The following LIPI variants were observed in gnomAD, a reference collection of about 807,000 sequenced individuals.
The protein encoded by LIPI is lipase member I.
A neutral mutation model predicts 50.6 loss-of-function variants in LIPI; 59 were observed. The observed-to-expected ratio is 1.16, with a 90% CI of 0.94 to 1.45. The LOEUF is 1.45. LIPI is among the 40% of genes most tolerant of loss of function. The pLI is 0.00. For missense variants in LIPI, 586 were observed against 536.3 expected (o/e 1.09, Z -0.92); for synonymous variants, 203 against 178.2 (o/e 1.14, Z -1.11).
rs746843747 is a variant in LIPI, at chr21:14,152,643, T to C, written c.1048A>G (p.Met350Val). ...VLSIIVPDKT[M>V]MDGSFSFKLL... ...TTAAATGAAAACGAGCCATCCATCATAGTTTTATCTGGAACAATTATACTG... is the reference window on the plus strand; with the variant it reads ...TTAAATGAAAACGAGCCATCCATCACAGTTTTATCTGGAACAATTATACTG... The change falls in exon 8 of 10, where the codon ATG (methionine) becomes GTG (valine). Residue 350 changes from methionine (M) to valine (V), a missense_variant. Physicochemically the swap from Met to Val is conservative, Grantham distance 21. Transcript: ENST00000681601. 3 of 1,572,770 alleles carry C rather than the reference T, an allele frequency of 1.9e-6. No homozygotes were observed. The highest frequency in any genetic ancestry group is 4.5e-5 in the East Asian group (2 of 44,444).
intron 4 of LIPI, among the ~76,000 whole-genome samples, chr21:14,175,464 G>A (rs2019062054): frequency 6.6e-6 from 1 of 152,012 alleles, no homozygotes; most frequent in Non-Finnish European, 1.5e-5. Flanking sequence ...CTGATAGTAG[G>A]TCTTTATCTC....
At position 14,163,470 on chromosome 21, in the gene LIPI, G is replaced by T; in HGVS notation, c.955C>A (p.Pro319Thr). The change falls in exon 7 of 10, where the codon CCT becomes ACT. Residue 319 changes from proline (P) to threonine (T), a missense_variant. Coordinates refer to ENST00000681601, the MANE Select transcript of LIPI (RefSeq NM_001302998.2). Reference sequence around the variant, plus strand: ...TCCAAAAACACAGTGGTCCTAAGAGGTCTTCCTTCCATCCTTTCTTTTAAA... The same window carrying T: ...TCCAAAAACACAGTGGTCCTAAGAGTTCTTCCTTCCATCCTTTCTTTTAAA... ...GVLKERMEGR[P>T]LRTTVFLDTS... 6.3e-7 allele frequency: 1 copy of T among 1,591,206 alleles called. No individual in the cohort carries two copies. Among genetic ancestry groups the T allele is most frequent in the Non-Finnish European group, 8.6e-7 (1 of 1,159,494 alleles).
chr21:14,125,682 C>T (rs1425521106), intron 9 of LIPI, among the ~76,000 whole-genome samples: 2 of 151,938 alleles, frequency 1.3e-5, no homozygotes, highest in South Asian at 2.1e-4. Context: ...CTCAGCCTAC[C>T]GGGTAGCTAG....
At chr21:14,181,180 T>A (rs2019256896) in intron 4 of LIPI, among the ~76,000 whole-genome samples, 2 of 152,172 alleles carry the variant, frequency 1.3e-5, no homozygotes, top group Non-Finnish European at 2.9e-5. Context: ...ATCAACAAAT[T>A]CAAATCAGGA....
chr21:14,119,974 C>T (rs561582124), intron 9 of LIPI, among the ~76,000 whole-genome samples: 30 of 152,238 alleles, frequency 2.0e-4, no homozygotes, highest in Non-Finnish European at 3.8e-4. Context: ...CCCTAAGATG[C>T]TAAGATATCA....
intron 9 of LIPI, among the ~76,000 whole-genome samples, chr21:14,142,911 T>C (rs2017765735): frequency 6.6e-6 from 1 of 152,166 alleles, no homozygotes; most frequent in South Asian, 2.1e-4. Context: ...TAGGAAGTAC[T>C]TTCCTGACAT....
At chr21:14,121,701 GT>G (rs2016869309) in intron 9 of LIPI, among the ~76,000 whole-genome samples, 1 of 152,112 alleles carries the variant, frequency 6.6e-6, no homozygotes, top group Non-Finnish European at 1.5e-5. Flanking sequence ...CCCTACCACT[GT>G]TAAAGTTGCA....
chr21:14,185,415 T>A (rs373556760), intron 3 of LIPI, among the ~76,000 whole-genome samples: 3 of 152,378 alleles, frequency 2.0e-5, no homozygotes, highest in East Asian at 3.9e-4. Flanking sequence ...TAGCTGGGAC[T>A]GCAGGAATAG....
At chr21:14,171,904 G>A (rs1222769505) in intron 4 of LIPI, among the ~76,000 whole-genome samples, 3 of 149,086 alleles carry the variant, frequency 2.0e-5, no homozygotes, top group East Asian at 3.9e-4. Flanking sequence ...CACAGCAAAA[G>A]AAACTACCAT....
At chr21:14,199,144 T>G (rs2123324215) in intron 1 of LIPI, among the ~76,000 whole-genome samples, 1 of 152,044 alleles carries the variant, frequency 6.6e-6, no homozygotes, top group Admixed American at 6.6e-5. Flanking sequence ...ATCAAAAAGT[T>G]AGAAAGATCT....
chr21:14,177,394 A>C (rs1264272303), intron 4 of LIPI, among the ~76,000 whole-genome samples: 1 of 151,960 alleles, frequency 6.6e-6, no homozygotes, highest in African/African-American at 2.4e-5. Context: ...TGACAGCCAT[A>C]ATATTTTAAT....
At chr21:14,188,968 T>C (rs564127951) in intron 2 of LIPI, 66 bp downstream of exon 2, 1 of 1,274,852 alleles carries the variant, frequency 7.8e-7, no homozygotes, top group Non-Finnish European at 1.1e-6. Context: ...TGTAACACAC[T>C]GCATATTGTA....
chr21:14,205,273 C>A (rs557121512), intron 1 of LIPI, among the ~76,000 whole-genome samples: 26 of 151,672 alleles, frequency 1.7e-4, no homozygotes, highest in Non-Finnish European at 3.2e-4. Context: ...CAATTAAATA[C>A]ATGGAAATTA....
chr21:14,189,274 G>C lies in LIPI; in HGVS notation c.192C>G (p.Asn64Lys). 6.2e-7 allele frequency: 1 copy of C among 1,613,944 alleles called. No homozygotes were observed. The highest frequency in any genetic ancestry group is 8.5e-7 in the Non-Finnish European group (1 of 1,179,872). ...NCAEPLFEQN[N>K]SLNVNFNTQK... ...GTGTGTTGAAATTAACATTAAGTGAGTTATTTTGTTCAAACAGTGGCTCAG... is the reference window on the plus strand; with the variant it reads ...GTGTGTTGAAATTAACATTAAGTGACTTATTTTGTTCAAACAGTGGCTCAG... The change falls in exon 2 of 10, where the codon AAC becomes AAG. Residue 64 changes from asparagine (N) to lysine (K), a missense_variant. Coordinates refer to ENST00000681601, the MANE Select transcript of LIPI (RefSeq NM_001302998.2).
chr21:14,142,707 C>T (rs547700115), intron 9 of LIPI, among the ~76,000 whole-genome samples: 1 of 151,676 alleles, frequency 6.6e-6, no homozygotes, highest in East Asian at 1.9e-4. Context: ...TGGTCTCAAA[C>T]TCTTGGCCTC....
At chr21:14,161,024 G>A (rs1480078351) in intron 7 of LIPI, among the ~76,000 whole-genome samples, 1 of 151,068 alleles carries the variant, frequency 6.6e-6, no homozygotes, top group Non-Finnish European at 1.5e-5. Flanking sequence ...TTTTAATTGG[G>A]ATAATGTAAA....
intron 1 of LIPI, among the ~76,000 whole-genome samples, chr21:14,189,763 CA>C (rs1191004606): frequency 1.3e-5 from 2 of 151,938 alleles, no homozygotes; most frequent in Non-Finnish European, 2.9e-5. Flanking sequence ...TAAACTTTAA[CA>C]AAAGTTTTAC....
At chr21:14,181,031 C>T (rs1021752916) in intron 4 of LIPI, among the ~76,000 whole-genome samples, 15 of 152,110 alleles carry the variant, frequency 9.9e-5, no homozygotes, top group Non-Finnish European at 2.2e-4. Context: ...ACCTTACAAC[C>T]TTTATTCTAG....
chr21:14,193,959 C>G (rs1456939959), intron 1 of LIPI, among the ~76,000 whole-genome samples: 1 of 151,940 alleles, frequency 6.6e-6, no homozygotes, highest in Non-Finnish European at 1.5e-5. Flanking sequence ...ACACAAACAA[C>G]CCAATTAAAA....
Sources: gnomAD v4.1 joint callset for allele counts (sites outside exome capture counted in the v4.1 genomes callset) on GRCh38, gnomAD v4.1.1 for gene constraint, MANE v1.5 for transcripts, NCBI Gene and HGNC (gene_info 2026-07-23, HGNC 2026-07-21) for gene names.